The following ECPAS variants were observed in gnomAD, a reference collection of about 807,000 sequenced individuals.
ECPAS encodes the protein proteasome adapter and scaffold protein ECM29.
Under a neutral mutation model 255.1 loss-of-function variants are expected in ECPAS, and 70 were observed. That is an observed-to-expected ratio of 0.27 (90% CI 0.23 to 0.33). The LOEUF (loss-of-function observed/expected upper bound fraction) is 0.33. Among genes scored for constraint, ECPAS ranks in the 10% least tolerant of loss-of-function variants. The pLI, the probability that ECPAS is intolerant of heterozygous loss-of-function variation, is 1.00. For missense variants in ECPAS, 1,817 were observed against 2,206.4 expected, an observed-to-expected ratio of 0.82 and a Z score of 3.54; for synonymous variants, 784 against 775.0, an observed-to-expected ratio of 1.01 and a Z score of -0.19.
intron 39 of ECPAS, 77 bp from the exon 40 acceptor site, chr9:111,373,483 C>T (rs2098129825): frequency 1.7e-6 from 2 of 1,148,980 alleles, no homozygotes; most frequent in Non-Finnish European, 2.6e-6. Context: ...CCCAAACAAA[C>T]CTAACCCTGT....
chr9:111,450,519 T>C (rs1429535819), intron 3 of ECPAS, among the ~76,000 whole-genome samples: 2 of 152,178 alleles, frequency 1.3e-5, no homozygotes, highest in African/African-American at 4.8e-5. Context: ...GCCCAAGGAA[T>C]AAAACCTGAC....
At chr9:111,458,554 G>T (rs2098269577) in intron 2 of ECPAS, among the ~76,000 whole-genome samples, 1 of 150,104 alleles carries the variant, frequency 6.7e-6, no homozygotes, top group Non-Finnish European at 1.5e-5. Context: ...CAGGATGGGG[G>T]TTGATCACAC....
chr9:111,399,359 G>A (rs1267504795), intron 24 of ECPAS, among the ~76,000 whole-genome samples: 2 of 152,154 alleles, frequency 1.3e-5, no homozygotes, highest in Non-Finnish European at 2.9e-5. Context: ...GAATAGAGTG[G>A]GAAGTACACA....
In ECPAS at chr9:111,389,540, G is replaced by GTTCA. The variant is rs755546412; in HGVS notation, c.3447+12_3447+15dup. The GTTCA allele has an allele frequency of 1.6e-4, 251 of 1,608,346 alleles. 2 individuals carry two copies. The East Asian group carries it at 5.6e-3, about 36-fold the overall frequency. On this transcript the variant is annotated intron_variant, in intron 31 of 49. Coordinates refer to ENST00000684092, the MANE Select transcript of ECPAS (RefSeq NM_001364929.1). ...TCTACAGTGTTTTCCTAACACAGGG[G>GTTCA]TTCACAGACACTTACCATGGATTTG...
intron 7 of ECPAS, 142 bp from the exon 8 acceptor site, chr9:111,433,514 G>A: frequency 1.4e-6 from 1 of 733,718 alleles, no homozygotes; most frequent in East Asian, 2.6e-5. Context: ...GGCTTACAAT[G>A]TGCCGGGGAC....
At chr9:111,463,974 CA>C (rs1438332178) in intron 2 of ECPAS, among the ~76,000 whole-genome samples, 1 of 152,042 alleles carries the variant, frequency 6.6e-6, no homozygotes, top group Non-Finnish European at 1.5e-5. Flanking sequence ...CACCAGTCAG[CA>C]AAGAGATAAG....
chr9:111,444,652 T>C (rs986866491), intron 3 of ECPAS, among the ~76,000 whole-genome samples, 158 bp from the exon 4 acceptor site: 1 of 152,244 alleles, frequency 6.6e-6, no homozygotes, highest in Non-Finnish European at 1.5e-5. Context: ...GAGTATACAC[T>C]ACATGAATCT....
intron 20 of ECPAS, among the ~76,000 whole-genome samples, chr9:111,412,509 G>A (rs1476942950): frequency 2.6e-5 from 4 of 152,188 alleles, no homozygotes; most frequent in Non-Finnish European, 2.9e-5. Flanking sequence ...ATGAATGAGC[G>A]TGGCTGGGTT....
At chr9:111,402,183 T>A (rs1416383678) in intron 24 of ECPAS, among the ~76,000 whole-genome samples, 1 of 152,250 alleles carries the variant, frequency 6.6e-6, no homozygotes, top group Non-Finnish European at 1.5e-5. Flanking sequence ...TAAGTGTTCA[T>A]GAAATCTTCA....
intron 24 of ECPAS, among the ~76,000 whole-genome samples, chr9:111,399,815 T>C (rs2098172994): frequency 1.3e-5 from 2 of 152,248 alleles, no homozygotes; most frequent in Non-Finnish European, 1.5e-5. Context: ...AATCTGCTCA[T>C]GTGGCATGAA....
intron 5 of ECPAS, 32 bp from the exon 6 acceptor site, chr9:111,440,553 T>G (rs759992539): frequency 6.7e-7 from 1 of 1,500,888 alleles, no homozygotes; most frequent in Non-Finnish European, 9.0e-7. Context: ...TTGCAACTAC[T>G]TAAAAAATGA....
intron 24 of ECPAS, among the ~76,000 whole-genome samples, chr9:111,406,436 T>C (rs906031959): frequency 4.0e-5 from 6 of 149,774 alleles, no homozygotes; most frequent in African/African-American, 1.5e-4. Context: ...TTTTAGTGTT[T>C]GGCAGCACAA....
rs1338777439 is a variant in ECPAS at position 111,414,678 on chromosome 9, G to A, written c.1765-27C>T. 4.4e-6 allele frequency: 7 copies of A among 1,577,468 alleles called. No individual in the cohort carries two copies. In the Admixed American group the frequency reaches 1.2e-4, roughly 27 times the overall value. ...TACAAACAGAACGGAGAGGAAGACT[G>A]CATAAGCTTCTCGAAAAGTCAGTGT... On this transcript the variant is annotated intron_variant, in intron 18 of 49. Transcript: ENST00000684092.
intron 35 of ECPAS, among the ~76,000 whole-genome samples, chr9:111,381,651 C>T (rs2131561127): frequency 6.6e-6 from 1 of 152,314 alleles, no homozygotes; most frequent in East Asian, 1.9e-4. Flanking sequence ...CGTGTGACTG[C>T]ATTTGAAAGC....
At chr9:111,444,858 G>A (rs1403891317) in intron 3 of ECPAS, among the ~76,000 whole-genome samples, 1 of 151,338 alleles carries the variant, frequency 6.6e-6, no homozygotes, top group African/African-American at 2.4e-5. Context: ...TTACAGGCGC[G>A]TGCCAGCATG....
intron 15 of ECPAS, among the ~76,000 whole-genome samples, chr9:111,421,040 G>A (rs1363579094): frequency 6.6e-6 from 1 of 152,174 alleles, no homozygotes; most frequent in African/African-American, 2.4e-5. Context: ...CCTAGAGAAA[G>A]TTTAAAGTAT....
intron 1 of ECPAS, among the ~76,000 whole-genome samples, chr9:111,478,716 T>C (rs1321356737): frequency 6.6e-6 from 1 of 152,168 alleles, no homozygotes; most frequent in African/African-American, 2.4e-5. Context: ...AGAAATGCAG[T>C]TTTACCAGCT....
chr9:111,367,322 T>C (rs1488627734), intron 46 of ECPAS, among the ~76,000 whole-genome samples: 1 of 152,148 alleles, frequency 6.6e-6, no homozygotes, highest in Non-Finnish European at 1.5e-5. Context: ...TTTCTCTGTT[T>C]TAAAGAAACA....
rs2098113549 is a variant in ECPAS at position 111,361,761 on chromosome 9, C to T, written c.*269G>A. The stretch of plus-strand genomic sequence containing the variant: ...AATTCCTTTAATAACAGCTTGAACT[C>T]TTTTAGTAACTATTTCTGCCAGTTT... On this transcript the variant is annotated 3_prime_UTR_variant, in exon 50 of 50. Coordinates refer to ENST00000684092, the MANE Select transcript of ECPAS (RefSeq NM_001364929.1). 3.6e-6 allele frequency: 1 copy of T among 281,308 alleles called. No homozygotes were observed. Among genetic ancestry groups the T allele is most frequent in the South Asian group, 9.8e-5 (1 of 10,230 alleles). 17.4% of individuals were successfully genotyped at this position (281,308 alleles called of 1,614,324 possible). A position where few individuals can be genotyped will look rare whatever the true frequency, so the allele number is the denominator to read the frequency against.
Sources: allele counts gnomAD v4.1 joint callset (sites outside exome capture counted in the v4.1 genomes callset), GRCh38; gene constraint gnomAD v4.1.1; transcripts MANE v1.5; gene names NCBI Gene and HGNC (gene_info 2026-07-23, HGNC 2026-07-21).